Variants in INPP5B observed in about 807,000 individuals in gnomAD.
INPP5B encodes inositol polyphosphate-5-phosphatase B.
In INPP5B, 90 loss-of-function variants were observed where a neutral mutation model predicts 118.5. The observed-to-expected ratio is 0.76, with a 90% CI of 0.64 to 0.90. The LOEUF is 0.90. INPP5B is among the 40% of genes least tolerant of loss of function. INPP5B has a pLI of 0.00. For missense variants in INPP5B, 984 were observed against 1,125.6 expected (o/e 0.87, Z 1.80); for synonymous variants, 385 against 418.9 (o/e 0.92, Z 0.99).
At chr1:37,939,175 CAA>C (rs1645814916) in intron 6 of INPP5B, among the ~76,000 whole-genome samples, 1 of 134,050 alleles carries the variant, frequency 7.5e-6, no homozygotes, top group Non-Finnish European at 1.6e-5. Context: ...GCCTGGGCGA[CAA>C]GAGCGAAACT....
chr1:37,919,097 G>C (rs922434774), intron 7 of INPP5B, among the ~76,000 whole-genome samples: 12 of 152,266 alleles, frequency 7.9e-5, no homozygotes, highest in African/African-American at 2.9e-4. Flanking sequence ...CATTTTGCAT[G>C]CATGAGGACA....
chr1:37,941,958 A>AATATATAT (rs1553163169), intron 5 of INPP5B: 10 of 30,374 alleles, frequency 3.3e-4, no homozygotes, highest in Admixed American at 1.8e-3. Flanking sequence ...AAAAAAAAAA[A>AATATATAT]ATATATATAT....
At chr1:37,880,423 T>TTTTTTTTATTTATTTA (rs373379144) in intron 14 of INPP5B, among the ~76,000 whole-genome samples, 7 of 149,732 alleles carry the variant, frequency 4.7e-5, no homozygotes, top group Admixed American at 6.6e-5. Context: ...GTTTTTAATG[T>TTTTTTTTATTTATTTA]TTTATTTATT....
chr1:37,906,765 C>T (rs1644514144), intron 7 of INPP5B, among the ~76,000 whole-genome samples: 1 of 150,688 alleles, frequency 6.6e-6, no homozygotes, highest in Non-Finnish European at 1.5e-5. Flanking sequence ...GAGGTTGAGA[C>T]AGGAGGATTG....
At chr1:37,906,102 T>A (rs1055523057) in intron 7 of INPP5B, among the ~76,000 whole-genome samples, 2 of 152,236 alleles carry the variant, frequency 1.3e-5, no homozygotes, top group Admixed American at 1.3e-4. Context: ...AAATTGGTTA[T>A]TTTACCAAGG....
At chr1:37,902,146 C>T (rs1644356021) in intron 7 of INPP5B, among the ~76,000 whole-genome samples, 1 of 151,906 alleles carries the variant, frequency 6.6e-6, no homozygotes, top group Admixed American at 6.6e-5. Flanking sequence ...ACCACCACGC[C>T]CAGCTAATTT....
At chr1:37,903,905 T>C (rs953541709) in intron 7 of INPP5B, among the ~76,000 whole-genome samples, 2 of 152,190 alleles carry the variant, frequency 1.3e-5, no homozygotes, top group Non-Finnish European at 2.9e-5. Flanking sequence ...TTAAATAAAA[T>C]ATTTTTTGTC....
intron 7 of INPP5B, among the ~76,000 whole-genome samples, chr1:37,918,816 A>C (rs1452026952): frequency 6.6e-6 from 1 of 152,218 alleles, no homozygotes; most frequent in Non-Finnish European, 1.5e-5. Context: ...GGTACACAGC[A>C]GACATTCAGG....
intron 9 of INPP5B, among the ~76,000 whole-genome samples, chr1:37,888,756 C>A (rs1231277114): frequency 6.6e-6 from 1 of 152,174 alleles, no homozygotes; most frequent in Non-Finnish European, 1.5e-5. Flanking sequence ...TCCCTAGAAA[C>A]AATGTTATTT....
At chr1:37,899,392 C>T (rs181413585) in intron 7 of INPP5B, among the ~76,000 whole-genome samples, 5 of 151,552 alleles carry the variant, frequency 3.3e-5, no homozygotes, top group Admixed American at 1.3e-4. Flanking sequence ...GGAGAAACCC[C>T]GTCTCTACTT....
rs1199099221 is a variant in INPP5B at position 37,872,929 on chromosome 1, C to G, written c.2187+1G>C. Reference sequence around the variant, plus strand: ...ATGTTTCTTTGTGGCATATTACTCACCAGCTCACTAATGGTTTCAAGTGGT... The same window carrying G: ...ATGTTTCTTTGTGGCATATTACTCAGCAGCTCACTAATGGTTTCAAGTGGT... On this transcript the variant is annotated splice_donor_variant, in intron 19 of 23. Coordinates refer to ENST00000373024, the MANE Select transcript of INPP5B (RefSeq NM_005540.3). LOFTEE classifies it high-confidence loss of function. The G allele has an allele frequency of 1.2e-6, 2 of 1,609,460 alleles. No homozygotes were observed. The highest frequency in any genetic ancestry group is 1.3e-5 in the African/African-American group (1 of 74,786).
Position 37,945,746 on chromosome 1 carries a change from C to T in INPP5B, c.152+10G>A. The T allele has an allele frequency of 6.2e-7, 1 of 1,609,060 alleles. No homozygotes were observed. The highest frequency in any genetic ancestry group is 8.5e-7 in the Non-Finnish European group (1 of 1,175,840). ...GGCCCAGACAGGTGGGGACCAAGCC[C>T]CTCACTCACGCGTGTTCCTGGCCGC... On this transcript the variant is annotated intron_variant, in intron 3 of 23. Coordinates refer to ENST00000373024, the MANE Select transcript of INPP5B (RefSeq NM_005540.3).
chr1:37,932,113 A>T (rs561820880), intron 6 of INPP5B, 60 bp from the exon 7 acceptor site: 14 of 1,478,576 alleles, frequency 9.5e-6, no homozygotes, highest in Middle Eastern at 3.6e-4. Flanking sequence ...GCTCTGCATG[A>T]TTGTATTATC....
At chr1:37,879,090 G>A (rs1180164188) in intron 15 of INPP5B, among the ~76,000 whole-genome samples, 1 of 151,726 alleles carries the variant, frequency 6.6e-6, no homozygotes, top group African/African-American at 2.4e-5. Context: ...TGGCCAACAT[G>A]GTGAAACCCC....
intron 7 of INPP5B, among the ~76,000 whole-genome samples, chr1:37,909,037 C>T (rs1644596283): frequency 6.6e-6 from 1 of 152,166 alleles, no homozygotes; most frequent in Admixed American, 6.5e-5. Context: ...GGCCCCAATA[C>T]AAACTTGACA....
chr1:37,872,525 C>G (rs761907878), intron 19 of INPP5B, among the ~76,000 whole-genome samples: 9 of 151,810 alleles, frequency 5.9e-5, no homozygotes, highest in African/African-American at 9.7e-5. Flanking sequence ...CTCTCATGTT[C>G]TTGCCACTAC....
At chr1:37,926,418 G>A (rs1645230763) in intron 7 of INPP5B, among the ~76,000 whole-genome samples, 1 of 151,940 alleles carries the variant, frequency 6.6e-6, no homozygotes, top group African/African-American at 2.4e-5. Context: ...TCAAGTAGCT[G>A]GGATACAGGC....
At chr1:37,938,275 A>AAATAAATAAATT (rs1223959801) in intron 6 of INPP5B, among the ~76,000 whole-genome samples, 3 of 135,578 alleles carry the variant, frequency 2.2e-5, no homozygotes, top group African/African-American at 7.7e-5. Context: ...TCTCAAAAAT[A>AAATAAATAAATT]AATAAATAAA....
At chr1:37,916,054 G>A (rs952999730) in intron 7 of INPP5B, among the ~76,000 whole-genome samples, 3 of 152,046 alleles carry the variant, frequency 2.0e-5, no homozygotes, top group Admixed American at 6.6e-5. Context: ...TTTAACATCC[G>A]GTAGCCAGGC....
Sources: gnomAD v4.1 joint callset for allele counts (sites outside exome capture counted in the v4.1 genomes callset) on GRCh38, gnomAD v4.1.1 for gene constraint, MANE v1.5 for transcripts, NCBI Gene and HGNC (gene_info 2026-07-23, HGNC 2026-07-21) for gene names.